Variants in STOX1 observed in about 807,000 individuals in gnomAD.
The protein encoded by STOX1 is storkhead-box protein 1.
In STOX1, 57 loss-of-function variants were observed where a neutral mutation model predicts 74.8. That is an observed-to-expected ratio of 0.76 (90% confidence interval 0.62 to 0.95). The LOEUF is 0.95. STOX1 is among the 40% of genes least tolerant of loss of function. STOX1 has a pLI of 0.00. For synonymous variants in STOX1, 375 were observed against 401.3 expected (o/e 0.93, Z 0.78); for missense variants, 1,010 against 1,117.0 (o/e 0.90, Z 1.37).
At chr10:68,894,162 C>T (rs1233258786), downstream of STOX1, among the ~76,000 whole-genome samples, 2 of 151,774 alleles carry the variant, frequency 1.3e-5, no homozygotes, top group Non-Finnish European at 2.9e-5. Flanking sequence ...CAGGTTCAAG[C>T]GATTCTCCTG....
rs11366165 is a variant in STOX1, at chr10:68,890,649, C to CT, written c.2823-1921dup. ...CTTTATTGGGGGTGCAAGACCTTTTCTTTTTTTTTTTTTTTTTTTGAGATG... is the reference window on the plus strand; with the variant it reads ...CTTTATTGGGGGTGCAAGACCTTTTCTTTTTTTTTTTTTTTTTTTTGAGATG... On this transcript the variant is annotated intron_variant, in intron 3 of 3. Transcript: ENST00000298596. 7.5e-3 allele frequency among the ~76,000 whole-genome samples: 877 copies of CT among 117,356 alleles called. 5 individuals are homozygous for CT. The highest frequency in any genetic ancestry group is 0.023 in the Admixed American group (244 of 10,750). The allele number at this position is 117,356 out of a possible 152,430, so 77.0% of individuals were successfully genotyped here.
chr10:68,868,669 T>A (rs1400047733), intron 1 of STOX1, among the ~76,000 whole-genome samples: 1 of 152,068 alleles, frequency 6.6e-6, no homozygotes, highest in East Asian at 1.9e-4. Context: ...GCAACAAGAA[T>A]GAAACTCCAT....
At chr10:68,850,306 A>G (rs1839952122) in intron 1 of STOX1, among the ~76,000 whole-genome samples, 1 of 152,016 alleles carries the variant, frequency 6.6e-6, no homozygotes, top group Non-Finnish European at 1.5e-5. Flanking sequence ...CTGCACCCAG[A>G]ATGTTTTTTG....
chr10:68,870,372 G>A (rs1011867949), intron 1 of STOX1, among the ~76,000 whole-genome samples: 1 of 152,134 alleles, frequency 6.6e-6, no homozygotes, highest in East Asian at 1.9e-4. Flanking sequence ...TACTTTTAGG[G>A]ACATATAGGT....
chr10:68,853,747 A>T (rs764748259), intron 1 of STOX1, among the ~76,000 whole-genome samples: 1 of 151,372 alleles, frequency 6.6e-6, no homozygotes, highest in Non-Finnish European at 1.5e-5. Flanking sequence ...GTGCAATGGC[A>T]TGATCTCGGC....
At chr10:68,844,808 G>T (rs1839794084) in intron 1 of STOX1, among the ~76,000 whole-genome samples, 1 of 151,814 alleles carries the variant, frequency 6.6e-6, no homozygotes, top group Non-Finnish European at 1.5e-5. Context: ...TGTCACCCAG[G>T]CTGGAGTGCA....
chr10:68,838,996 A>C (rs776725137), intron 1 of STOX1, among the ~76,000 whole-genome samples: 4 of 151,992 alleles, frequency 2.6e-5, no homozygotes, highest in African/African-American at 4.8e-5. Flanking sequence ...TTCACTGTTA[A>C]ATAAGATGTT....
chr10:68,877,227 C>A (rs1840702551), intron 1 of STOX1, among the ~76,000 whole-genome samples: 1 of 152,194 alleles, frequency 6.6e-6, no homozygotes. Context: ...GGCAATTAGT[C>A]TTCCTAGTTG....
intron 1 of STOX1, among the ~76,000 whole-genome samples, chr10:68,855,155 C>T (rs1840089553): frequency 6.8e-6 from 1 of 147,658 alleles, no homozygotes; most frequent in South Asian, 2.1e-4. Context: ...TAGTCTTGCT[C>T]TGTCACCCAG....
chr10:68,859,397 A>T (rs1476789058), intron 1 of STOX1, among the ~76,000 whole-genome samples: 1 of 152,104 alleles, frequency 6.6e-6, no homozygotes, highest in Admixed American at 6.5e-5. Context: ...ATCAGTATGA[A>T]TTAAAAACTA....
Position 68,885,095 on chromosome 10 carries a change from C to G in STOX1, c.1299C>G (p.His433Gln), listed in dbSNP as rs1402895438. ...AGGGCCATTCTCGAAGGGATAGACACAAAGCCAGGAATCAGGGAAGTGAGT... is the reference window on the plus strand; with the variant it reads ...AGGGCCATTCTCGAAGGGATAGACAGAAAGCCAGGAATCAGGGAAGTGAGT... The part of the protein sequence containing the change: ...QGQGHSRRDR[H>Q]KARNQGSEFQ... The change falls in exon 3 of 4, where the codon CAC becomes CAG. Residue 433 changes from histidine to glutamine, a missense_variant. By Grantham distance (24) the His-to-Gln change is conservative (BLOSUM62 0). Transcript: ENST00000298596. The G allele has an allele frequency of 1.9e-6, 3 of 1,613,342 alleles. No homozygotes were observed. Among genetic ancestry groups the G allele is most frequent in the Admixed American group, 1.7e-5 (1 of 59,916 alleles).
intron 1 of STOX1, among the ~76,000 whole-genome samples, chr10:68,849,225 G>A (rs1839923327): frequency 6.6e-6 from 1 of 152,102 alleles, no homozygotes; most frequent in East Asian, 1.9e-4. Flanking sequence ...GGCCCTGTGT[G>A]TCCATGAGAC....
intron 1 of STOX1, among the ~76,000 whole-genome samples, chr10:68,880,946 G>A (rs1589235244): frequency 6.6e-6 from 1 of 152,138 alleles, no homozygotes; most frequent in South Asian, 2.1e-4. Context: ...CGCCCACCTC[G>A]GCCTCCCAAA....
At chr10:68,838,977 A>G (rs770802493) in intron 1 of STOX1, among the ~76,000 whole-genome samples, 13 of 151,900 alleles carry the variant, frequency 8.6e-5, no homozygotes, top group Non-Finnish European at 1.3e-4. Flanking sequence ...GAGGAAAAGC[A>G]TTCAGTTTTT....
chr10:68,875,564 T>G (rs1158160643), intron 1 of STOX1, among the ~76,000 whole-genome samples: 3 of 152,212 alleles, frequency 2.0e-5, no homozygotes, highest in Non-Finnish European at 2.9e-5. Flanking sequence ...GTTTTTCTGA[T>G]AGAAAACAGC....
At chr10:68,837,310 G>T (rs760496717) in intron 1 of STOX1, among the ~76,000 whole-genome samples, 5 of 152,162 alleles carry the variant, frequency 3.3e-5, no homozygotes, top group Non-Finnish European at 7.3e-5. Context: ...ATTTTAAGTT[G>T]AGAGTGGGGC....
At chr10:68,844,845 C>T (rs944089869) in intron 1 of STOX1, among the ~76,000 whole-genome samples, 1 of 152,062 alleles carries the variant, frequency 6.6e-6, no homozygotes. Flanking sequence ...TCATTGTAAC[C>T]TCCACCTCCC....
chr10:68,884,953 A>G lies in STOX1; in HGVS notation c.1157A>G (p.Glu386Gly). Residue 386 changes from glutamate (E) to glycine (G), a missense_variant, in exon 3 of 4, where the codon GAA becomes GGA. Glu to Gly is a moderately conservative substitution (Grantham distance 98). Coordinates refer to ENST00000298596, the MANE Select transcript of STOX1 (RefSeq NM_152709.5). ...ACTGTCCTAATGCAAAAATACGAAG[A>G]ACAGAAAAAATATAATAGCCAGGGC... Reference protein sequence around the residue: ...KHTVLMQKYEEQKKYNSQGTS... With the variant: ...KHTVLMQKYEGQKKYNSQGTS... The G allele has an allele frequency of 6.2e-7, 1 of 1,614,172 alleles. No homozygotes were observed. The highest frequency in any genetic ancestry group is 1.1e-5 in the South Asian group (1 of 91,076).
intron 1 of STOX1, among the ~76,000 whole-genome samples, chr10:68,830,946 C>T (rs955552746): frequency 3.9e-5 from 6 of 152,142 alleles, no homozygotes; most frequent in African/African-American, 1.4e-4. Context: ...TCTTGGGCTA[C>T]CTTAGAGTCC....
Sources: allele counts gnomAD v4.1 joint callset (sites outside exome capture counted in the v4.1 genomes callset), GRCh38; gene constraint gnomAD v4.1.1; transcripts MANE v1.5; gene names NCBI Gene and HGNC (gene_info 2026-07-23, HGNC 2026-07-21).